The following DHRS7B variants were observed in gnomAD, a reference collection of about 807,000 sequenced individuals.
DHRS7B encodes peroxisomal reductase activating PPAR-gamma.
DHRS7B carries 24 observed loss-of-function variants against 26.4 expected under a neutral mutation model. That is an observed-to-expected ratio of 0.91 (90% CI 0.66 to 1.28). The LOEUF is 1.28. Ranked by LOEUF, DHRS7B falls within the 50% of genes most tolerant of loss-of-function variation. The probability of loss-of-function intolerance (pLI) is 0.00; values close to 1 mark genes in which losing one functional copy is unlikely to be tolerated. For synonymous variants in DHRS7B, 142 were observed against 166.4 expected (o/e 0.85, Z 1.13); for missense variants, 368 against 419.4 (o/e 0.88, Z 1.07).
intron 1 of DHRS7B, among the ~76,000 whole-genome samples, chr17:21,134,557 C>T (rs1973302813): frequency 6.6e-6 from 1 of 152,152 alleles, no homozygotes; most frequent in South Asian, 2.1e-4. Flanking sequence ...TTTACTGGCT[C>T]TATATGTCAC....
At chr17:21,144,109 T>G (rs1973588584) in intron 1 of DHRS7B, among the ~76,000 whole-genome samples, 1 of 152,212 alleles carries the variant, frequency 6.6e-6, no homozygotes, top group Non-Finnish European at 1.5e-5. Context: ...TGAGAAACAC[T>G]CACCTGATGT....
intron 2 of DHRS7B, among the ~76,000 whole-genome samples, chr17:21,174,814 G>T (rs1974337235): frequency 6.6e-6 from 1 of 152,206 alleles, no homozygotes. Context: ...CTTTGGGAAT[G>T]ATTTATAAAC....
At chr17:21,184,690 GC>G (rs1974592486) in intron 5 of DHRS7B, among the ~76,000 whole-genome samples, 1 of 152,096 alleles carries the variant, frequency 6.6e-6, no homozygotes, top group Admixed American at 6.6e-5. Flanking sequence ...TCTGTGCCCT[GC>G]CCTCAAGTGT....
chr17:21,139,659 A>G (rs1973444640), intron 1 of DHRS7B, among the ~76,000 whole-genome samples: 1 of 151,962 alleles, frequency 6.6e-6, no homozygotes, highest in African/African-American at 2.4e-5. Context: ...TGGGTGACAG[A>G]GCGAGACTCC....
At chr17:21,140,422 AT>A (rs1973470973) in intron 1 of DHRS7B, among the ~76,000 whole-genome samples, 1 of 150,102 alleles carries the variant, frequency 6.7e-6, no homozygotes, top group South Asian at 2.1e-4. Flanking sequence ...CAAAGTTTAC[AT>A]TATAAGGTGC....
At chr17:21,127,682 T>C (rs1198448019) in intron 1 of DHRS7B, 1 of 152,306 alleles carries the variant, frequency 6.6e-6, no homozygotes, top group Non-Finnish European at 1.5e-5. Context: ...GGTGCTCAGC[T>C]GGTGTCTGGC....
chr17:21,185,157 A>G (rs1404377778), intron 5 of DHRS7B, among the ~76,000 whole-genome samples: 1 of 152,240 alleles, frequency 6.6e-6, no homozygotes, highest in Non-Finnish European at 1.5e-5. Flanking sequence ...GAAGGTTTCA[A>G]TAAAAAGGGT....
At chr17:21,171,305 G>A (rs1468206149) in intron 1 of DHRS7B, among the ~76,000 whole-genome samples, 38 of 152,252 alleles carry the variant, frequency 2.5e-4, no homozygotes, top group Non-Finnish European at 2.9e-5. Flanking sequence ...ACTGCACACT[G>A]TTGCACAGAC....
intron 1 of DHRS7B, chr17:21,128,763 G>C (rs191643536): frequency 1.3e-5 from 2 of 151,446 alleles, no homozygotes; most frequent in Admixed American, 6.6e-5. Context: ...CCAGCTACTC[G>C]GGAGGCTTTG....
intron 2 of DHRS7B, among the ~76,000 whole-genome samples, chr17:21,175,465 A>G (rs112375271): frequency 3.3e-5 from 5 of 152,228 alleles, no homozygotes; most frequent in South Asian, 2.1e-4. Context: ...ATTCCCTTTC[A>G]TGAACCAGGA....
chr17:21,159,556 A>G (rs1243131870), intron 1 of DHRS7B, among the ~76,000 whole-genome samples: 3 of 151,956 alleles, frequency 2.0e-5, no homozygotes, highest in African/African-American at 4.8e-5. Context: ...CACCCGGCCA[A>G]TATTTTCGAA....
At position 21,127,000 on chromosome 17, in the gene DHRS7B, T is replaced by A. The variant is rs199536359; in HGVS notation, c.20+9T>A. 1 of 1,519,026 alleles carries A rather than the reference T, an allele frequency of 6.6e-7. No individual in the cohort carries two copies. The highest frequency in any genetic ancestry group is 2.7e-5 in the East Asian group (1 of 36,972). 94.1% of individuals were successfully genotyped at this position (1,519,026 alleles called of 1,614,324 possible). A position where few individuals can be genotyped will look rare whatever the true frequency, so the allele number is the denominator to read the frequency against. On this transcript the variant is annotated intron_variant, in intron 1 of 6. Transcript: ENST00000395511. ...GTCTCTCCGGCTACCAGGTAGGGGC[T>A]GGGGAAGAAGGAACCTCCGAGATGA...
chr17:21,129,597 C>G (rs144773028), intron 1 of DHRS7B, among the ~76,000 whole-genome samples: 176 of 147,710 alleles, frequency 1.2e-3, no homozygotes, highest in African/African-American at 4.2e-3. Flanking sequence ...CCCAGTTACT[C>G]AGAAGGCTGA....
At chr17:21,184,104 G>GA (rs1974575747) in intron 4 of DHRS7B, among the ~76,000 whole-genome samples, 1 of 152,228 alleles carries the variant, frequency 6.6e-6, no homozygotes, top group Admixed American at 6.5e-5. Flanking sequence ...GTCCAGGGGA[G>GA]AGGCTCCAGC....
intron 1 of DHRS7B, 124 bp from the exon 2 acceptor site, chr17:21,171,894 A>AG (rs753019916): frequency 4.1e-6 from 5 of 1,221,394 alleles, no homozygotes; most frequent in Non-Finnish European, 6.0e-6. Flanking sequence ...AATGCTTGCT[A>AG]GGGCTTAGAG....
At chr17:21,187,565 G>T (rs1974669867) in intron 5 of DHRS7B, among the ~76,000 whole-genome samples, 1 of 149,304 alleles carries the variant, frequency 6.7e-6, no homozygotes, top group Non-Finnish European at 1.5e-5. Flanking sequence ...GGCGGAGTTT[G>T]CAGTGAGCCA....
At chr17:21,158,162 G>A (rs1290517529) in intron 1 of DHRS7B, among the ~76,000 whole-genome samples, 2 of 152,034 alleles carry the variant, frequency 1.3e-5, no homozygotes, top group East Asian at 1.9e-4. Context: ...AACTCAGCTT[G>A]CCCACTAAGA....
At chr17:21,141,021 A>G (rs747165506) in intron 1 of DHRS7B, among the ~76,000 whole-genome samples, 10 of 151,974 alleles carry the variant, frequency 6.6e-5, no homozygotes, top group South Asian at 4.1e-4. Flanking sequence ...ACCCTTTTAC[A>G]TGTCTCAGTT....
intron 1 of DHRS7B, among the ~76,000 whole-genome samples, chr17:21,161,210 CAAT>C (rs1350641867): frequency 2.0e-5 from 3 of 152,154 alleles, no homozygotes; most frequent in Non-Finnish European, 2.9e-5. Context: ...CTCTGGGTAA[CAAT>C]GATGTGACAG....
Sources: gnomAD v4.1 joint callset for allele counts (sites outside exome capture counted in the v4.1 genomes callset) on GRCh38, gnomAD v4.1.1 for gene constraint, MANE v1.5 for transcripts, NCBI Gene and HGNC (gene_info 2026-07-23, HGNC 2026-07-21) for gene names.